NLK: variants seen among roughly 807,000 people sequenced by gnomAD.
The protein encoded by NLK is serine/threonine-protein kinase NLK.
NLK carries 11 observed loss-of-function variants against 59.0 expected under a neutral mutation model. That is an observed-to-expected ratio of 0.19 (90% CI 0.12 to 0.31). The LOEUF (loss-of-function observed/expected upper bound fraction) is 0.31. Among genes scored for constraint, NLK ranks in the 10% least tolerant of loss-of-function variants. The pLI is 1.00. For synonymous variants in NLK, 235 were observed against 235.9 expected (o/e 1.00, Z 0.03); for missense variants, 410 against 661.1 (o/e 0.62, Z 4.16).
intron 1 of NLK, among the ~76,000 whole-genome samples, chr17:28,083,530 C>T (rs1910416299): frequency 6.6e-6 from 1 of 152,126 alleles, no homozygotes; most frequent in African/African-American, 2.4e-5. Context: ...TGTCTAAGTT[C>T]CCAGCCCAGA....
chr17:28,065,954 A>T (rs1418925838), intron 1 of NLK, among the ~76,000 whole-genome samples: 3 of 152,130 alleles, frequency 2.0e-5, no homozygotes, highest in African/African-American at 7.2e-5. Context: ...TCTACAGATG[A>T]CTTCATTCCC....
the NLK span, among the ~76,000 whole-genome samples, chr17:28,205,252 TG>T: frequency 6.6e-6 from 1 of 152,248 alleles, no homozygotes; most frequent in Non-Finnish European, 1.5e-5. Context: ...CTTGGCACAG[TG>T]TAGGCACTTG....
At chr17:28,157,950 G>C (rs1194710209) in intron 3 of NLK, among the ~76,000 whole-genome samples, 2 of 152,286 alleles carry the variant, frequency 1.3e-5, no homozygotes, top group Non-Finnish European at 2.9e-5. Flanking sequence ...TATATTCTAA[G>C]AGTTTAGGAT....
chr17:28,063,947 A>G (rs2142749901), intron 1 of NLK, among the ~76,000 whole-genome samples: 1 of 152,328 alleles, frequency 6.6e-6, no homozygotes, highest in Non-Finnish European at 1.5e-5. Flanking sequence ...GAATAGTTTA[A>G]ATAGCTGTGA....
chr17:28,070,925 C>G (rs1909986126), intron 1 of NLK, among the ~76,000 whole-genome samples: 1 of 152,096 alleles, frequency 6.6e-6, no homozygotes, highest in Non-Finnish European at 1.5e-5. Context: ...TTTCATTAGT[C>G]TTTTGGTCTA....
intron 1 of NLK, among the ~76,000 whole-genome samples, chr17:28,094,998 C>A (rs185414971): frequency 1.3e-5 from 2 of 152,260 alleles, no homozygotes; most frequent in African/African-American, 4.8e-5. Flanking sequence ...GGGACCTGAC[C>A]TAGCTCCAGT....
chr17:28,069,688 T>C (rs1464335793), intron 1 of NLK, among the ~76,000 whole-genome samples: 1 of 152,184 alleles, frequency 6.6e-6, no homozygotes, highest in Non-Finnish European at 1.5e-5. Flanking sequence ...TTTTTTTTCC[T>C]GAAAATTCTG....
At chr17:28,127,851 T>C (rs769541824) in intron 2 of NLK, among the ~76,000 whole-genome samples, 99 of 152,276 alleles carry the variant, frequency 6.5e-4, no homozygotes, top group Non-Finnish European at 1.3e-3. Flanking sequence ...TTGTCCAATA[T>C]TGAGACTGAA....
chr17:28,152,238 CTT>C (rs1189645473), intron 3 of NLK, among the ~76,000 whole-genome samples: 1 of 152,164 alleles, frequency 6.6e-6, no homozygotes, highest in Non-Finnish European at 1.5e-5. Context: ...CCATTTTCTC[CTT>C]TCTTTGAAAA....
intron 3 of NLK, among the ~76,000 whole-genome samples, chr17:28,152,572 A>AG (rs1907524059): frequency 6.6e-6 from 1 of 152,212 alleles, no homozygotes; most frequent in African/African-American, 2.4e-5. Context: ...AAGCAAAAAA[A>AG]AAGTCAGTAA....
downstream of NLK, among the ~76,000 whole-genome samples, chr17:28,197,190 C>T (rs558173746): frequency 3.9e-5 from 6 of 152,130 alleles, no homozygotes; most frequent in Non-Finnish European, 7.4e-5. Context: ...AAATTCTGAC[C>T]GGGCATGGTG....
chr17:28,182,886 A>G (rs775103584), intron 7 of NLK, among the ~76,000 whole-genome samples: 1 of 152,236 alleles, frequency 6.6e-6, no homozygotes, highest in Non-Finnish European at 1.5e-5. Flanking sequence ...AGAGAAACAC[A>G]TATGTTTTTT....
intron 3 of NLK, among the ~76,000 whole-genome samples, chr17:28,152,529 C>T (rs895779552): frequency 2.0e-5 from 3 of 152,062 alleles, no homozygotes; most frequent in South Asian, 2.1e-4. Flanking sequence ...ACCTGTTCTT[C>T]GCATCCATGC....
At chr17:28,106,677 A>G (rs979323358) in intron 1 of NLK, among the ~76,000 whole-genome samples, 20 of 152,236 alleles carry the variant, frequency 1.3e-4, no homozygotes, top group African/African-American at 4.6e-4. Flanking sequence ...TAAATTTTAC[A>G]TACAGCATCC....
intron 1 of NLK, among the ~76,000 whole-genome samples, chr17:28,061,794 TAC>T (rs1909650711): frequency 6.8e-6 from 1 of 146,152 alleles, no homozygotes; most frequent in African/African-American, 2.5e-5. Flanking sequence ...ATATAATATA[TAC>T]ATATATACAT....
intron 1 of NLK, among the ~76,000 whole-genome samples, chr17:28,086,536 T>G (rs951187570): frequency 6.6e-6 from 1 of 152,224 alleles, no homozygotes; most frequent in Non-Finnish European, 1.5e-5. Flanking sequence ...TACAGTTTTA[T>G]AGTATTATTG....
intron 3 of NLK, among the ~76,000 whole-genome samples, chr17:28,142,356 C>T (rs1406432470): frequency 6.6e-6 from 1 of 152,084 alleles, no homozygotes; most frequent in Non-Finnish European, 1.5e-5. Context: ...CGTATTCAAA[C>T]GTTTTAACAA....
At chr17:28,171,909 A>T (rs1395568160) in intron 6 of NLK, among the ~76,000 whole-genome samples, 1 of 152,124 alleles carries the variant, frequency 6.6e-6, no homozygotes, top group East Asian at 1.9e-4. Flanking sequence ...TATTTCTATC[A>T]TATAAATAGG....
intron 1 of NLK, among the ~76,000 whole-genome samples, chr17:28,089,694 G>A (rs1904412352): frequency 1.3e-5 from 2 of 152,084 alleles, no homozygotes; most frequent in Admixed American, 1.3e-4. Context: ...AATAGTGTGT[G>A]AGTTCCAGTA....
Sources: allele counts gnomAD v4.1 joint callset (sites outside exome capture counted in the v4.1 genomes callset), GRCh38; gene constraint gnomAD v4.1.1; transcripts MANE v1.5; gene names NCBI Gene and HGNC (gene_info 2026-07-23, HGNC 2026-07-21).